FANCE: variants seen among roughly 807,000 people sequenced by gnomAD.
FANCE encodes Fanconi anemia group E protein.
FANCE carries 42 observed loss-of-function variants against 57.8 expected under a neutral mutation model. That is an observed-to-expected ratio of 0.73 (90% CI 0.57 to 0.94). The LOEUF (loss-of-function observed/expected upper bound fraction) is 0.94. FANCE is among the 40% of genes least tolerant of loss of function. The pLI, the probability that FANCE is intolerant of heterozygous loss-of-function variation, is 0.00. For missense variants in FANCE, 608 were observed against 661.8 expected (o/e 0.92, Z 0.89); for synonymous variants, 251 against 286.4 (o/e 0.88, Z 1.25).
At position 35,466,342 on chromosome 6, in the gene FANCE, C is replaced by T. The variant is rs370301848; in HGVS notation, c.1608C>T (p.Pro536=). 3 of 1,608,912 alleles carry T rather than the reference C, an allele frequency of 1.9e-6. No individual in the cohort carries two copies. The African/African-American group carries it at 4.0e-5, about 22-fold the overall frequency. ...SLKAALKHLG[P] is the part of the protein sequence containing the mutation. Reference sequence around the variant, plus strand: ...AGGCCGCCTTGAAACATTTGGGCCCCTGACCATCCACCAAGGGACCACCCT... The same window carrying T: ...AGGCCGCCTTGAAACATTTGGGCCCTTGACCATCCACCAAGGGACCACCCT... Residue 536 remains proline, a synonymous_variant, in exon 10 of 10, where the codon CCC becomes CCT. Coordinates refer to ENST00000229769, the MANE Select transcript of FANCE (RefSeq NM_021922.3).
At chr6:35,465,041 T>G (rs553903049) in intron 9 of FANCE, among the ~76,000 whole-genome samples, 98 of 151,796 alleles carry the variant, frequency 6.5e-4, no homozygotes, top group African/African-American at 2.3e-3. Context: ...GCCTGAGAGA[T>G]ATTCTTATTA....
chr6:35,465,237 G>A (rs45492197), intron 9 of FANCE, among the ~76,000 whole-genome samples: 1,684 of 151,668 alleles, frequency 0.011, 15 homozygotes, highest in Middle Eastern at 0.041. Context: ...GCAGTGGCGC[G>A]ATCTTGGCTC....
intron 1 of FANCE, 40 bp downstream of exon 1, chr6:35,452,833 C>T (rs1344912745): frequency 1.1e-5 from 14 of 1,286,586 alleles, no homozygotes; most frequent in East Asian, 3.1e-5. Context: ...GTATGGGAGG[C>T]GGGGGGCTGT....
At chr6:35,465,024 G>A (rs1235313983) in intron 9 of FANCE, among the ~76,000 whole-genome samples, 2 of 151,866 alleles carry the variant, frequency 1.3e-5, no homozygotes, top group Non-Finnish European at 2.9e-5. Flanking sequence ...GTGAGCCACC[G>A]CGCCTGGCCT....
intron 4 of FANCE, 98 bp from the exon 5 acceptor site, chr6:35,458,198 CT>C: frequency 6.5e-7 from 1 of 1,529,324 alleles, no homozygotes. Context: ...CCTGGAGTAT[CT>C]TTGCCCTGCT....
chr6:35,466,195 G>A (rs781376645), intron 9 of FANCE, 49 bp from the exon 10 acceptor site: 9 of 1,203,546 alleles, frequency 7.5e-6, no homozygotes, highest in Non-Finnish European at 1.1e-5. Context: ...GTCGGGAGAC[G>A]GGAGGGATCA....
chr6:35,457,747 A>C, intron 3 of FANCE, 147 bp downstream of exon 3: 1 of 1,116,172 alleles, frequency 9.0e-7, no homozygotes, highest in African/African-American at 1.5e-5. Flanking sequence ...TCTCTGAAGG[A>C]GCTTTTCTTG....
At position 35,458,429 on chromosome 6, in the gene FANCE, T is replaced by C; in HGVS notation, c.1102T>C (p.Phe368Leu). The C allele has an allele frequency of 6.2e-7, 1 of 1,614,144 alleles. No homozygotes were observed. Reference protein sequence around the residue: ...SNATVLTRSLFLGRILSLTSS... With the variant: ...SNATVLTRSLLLGRILSLTSS... ...TGCTACTGTGCTGACCAGAAGCCTCTTTCTTGGACGGGTAGGTGTATTGGG... is the reference window on the plus strand; with the variant it reads ...TGCTACTGTGCTGACCAGAAGCCTCCTTCTTGGACGGGTAGGTGTATTGGG... The change falls in exon 5 of 10, where the codon TTT becomes CTT. Residue 368 changes from phenylalanine to leucine, a missense_variant. Physicochemically the swap from Phe to Leu is conservative, Grantham distance 22. Transcript: ENST00000229769.
chr6:35,455,626 T>C, intron 1 of FANCE, 121 bp from the exon 2 acceptor site: 2 of 1,217,132 alleles, frequency 1.6e-6, no homozygotes, highest in Non-Finnish European at 1.2e-6. Flanking sequence ...CCACTGACTC[T>C]TGCAGATACT....
At position 35,455,871 on chromosome 6, in the gene FANCE, C is replaced by T; in HGVS notation, c.373C>T (p.Leu125=). 1 of 1,614,214 alleles carries T rather than the reference C, an allele frequency of 6.2e-7. No individual in the cohort carries two copies. The highest frequency in any genetic ancestry group is 8.5e-7 in the Non-Finnish European group (1 of 1,180,046). ...LSVLQIAQQD[L]APDPDAWLRA... is the part of the protein sequence containing the mutation. The stretch of plus-strand genomic sequence containing the variant: ...TGTGCTGCAGATTGCCCAGCAGGAC[C>T]TAGCCCCTGACCCAGATGCCTGGCT... The change falls in exon 2 of 10, where the codon CTA becomes TTA. Residue 125 remains leucine (L), a synonymous_variant. Coordinates refer to ENST00000229769, the MANE Select transcript of FANCE (RefSeq NM_021922.3).
In FANCE at chr6:35,466,230, T is replaced by C. The variant is rs1185738245; in HGVS notation, c.1510-14T>C. Reference sequence around the variant, plus strand: ...AGTTGCTGGAGTCCTGACATGATTTTTCCTTCTCCCCAGATCACTGAGACC... The same window carrying C: ...AGTTGCTGGAGTCCTGACATGATTTCTCCTTCTCCCCAGATCACTGAGACC... On this transcript the variant is annotated splice_polypyrimidine_tract_variant and intron_variant, in intron 9 of 9. Transcript: ENST00000229769. 7 of 1,566,568 alleles carry C rather than the reference T, an allele frequency of 4.5e-6. No individual in the cohort carries two copies. The highest frequency in any genetic ancestry group is 6.2e-6 in the Non-Finnish European group (7 of 1,136,540).
In FANCE at chr6:35,457,584, T is replaced by C; in HGVS notation, c.884T>C (p.Leu295Pro). Residue 295 changes from leucine (L) to proline (P), a missense_variant, in exon 3 of 10, where the codon CTG becomes CCG. Leu to Pro is a moderately conservative substitution (Grantham distance 98, BLOSUM62 -3). Transcript: ENST00000229769. ...QDQLPRLQQLLKTLEEGLEGL... is the reference protein window; with the variant it reads ...QDQLPRLQQLPKTLEEGLEGL... ...CAGCTTCCCAGGCTGCAGCAGCTGC[T>C]GAAGACCTTGGAGGAGGTGACTGGC... 6.2e-7 allele frequency: 1 copy of C among 1,613,968 alleles called. No individual in the cohort carries two copies. The highest frequency in any genetic ancestry group is 8.5e-7 in the Non-Finnish European group (1 of 1,180,024).
At chr6:35,464,395 G>A (rs1037504404) in intron 9 of FANCE, among the ~76,000 whole-genome samples, 4 of 151,594 alleles carry the variant, frequency 2.6e-5, no homozygotes, top group African/African-American at 7.3e-5. Context: ...GCGCCACCAT[G>A]CCCGGCTAAT....
intron 1 of FANCE, among the ~76,000 whole-genome samples, chr6:35,454,953 G>A (rs1290181546): frequency 6.6e-6 from 1 of 152,216 alleles, no homozygotes; most frequent in Admixed American, 6.5e-5. Flanking sequence ...CACAGAGGAA[G>A]GAAACACTAC....
intron 6 of FANCE, 105 bp from the exon 7 acceptor site, chr6:35,459,577 G>T: frequency 6.3e-7 from 1 of 1,575,504 alleles, no homozygotes. Context: ...CTGCTTCCCT[G>T]ACAATGCCCC....
Position 35,452,791 on chromosome 6 carries a change from G to A in FANCE, c.246G>A (p.Glu82=), listed in dbSNP as rs769779495. 66 of 1,315,220 alleles carry A rather than the reference G, an allele frequency of 5.0e-5. No individual in the cohort carries two copies. The African/African-American group carries it at 5.2e-4, about 10-fold the overall frequency. The allele number at this position is 1,315,220 out of a possible 1,614,324, so 81.5% of individuals were successfully genotyped here. A position where few individuals can be genotyped will look rare whatever the true frequency, so the allele number is the denominator to read the frequency against. The change falls in exon 1 of 10, where the codon GAG becomes GAA. Residue 82 remains glutamate, a splice_region_variant and synonymous_variant. Transcript: ENST00000229769. ...TGCAGGGGCCTGACGGCCGTCTGGA[G>A]CTGTAAGTCCTCGCCCGCGGCCCCT... is the stretch of plus-strand genomic sequence containing the variant. ...PVVQGPDGRL[E]LKPLLLRLPR... is the part of the protein sequence containing the mutation.
In FANCE at chr6:35,452,688, G is replaced by A; in HGVS notation, c.143G>A (p.Arg48Gln). 3 of 1,239,068 alleles carry A rather than the reference G, an allele frequency of 2.4e-6. No individual in the cohort carries two copies. Among genetic ancestry groups the A allele is most frequent in the Non-Finnish European group, 3.0e-6 (3 of 992,026 alleles). 76.8% of individuals were successfully genotyped at this position (1,239,068 alleles called of 1,614,324 possible). Residue 48 changes from arginine to glutamine, a missense_variant, in exon 1 of 10, where the codon CGG becomes CAG. Coordinates refer to ENST00000229769, the MANE Select transcript of FANCE (RefSeq NM_021922.3). ...GCGCGGCGCGGCCTGGGGGTGCTCC[G>A]GGCGCTGGGCAGCCGCGGCTGGGAG... ...EGARRGLGVL[R>Q]ALGSRGWEPF...
intron 1 of FANCE, among the ~76,000 whole-genome samples, chr6:35,453,146 C>T (rs10947548): frequency 0.71 from 108,108 of 152,130 alleles, 38,921 homozygotes; most frequent in African/African-American, 0.83. Flanking sequence ...AAAATAGATA[C>T]TTAAAACGTG....
At chr6:35,460,438 G>A (rs751166327) in intron 7 of FANCE, 114 bp from the exon 8 acceptor site, 6 of 1,030,258 alleles carry the variant, frequency 5.8e-6, no homozygotes, top group Non-Finnish European at 7.6e-6. Flanking sequence ...TTTGTTGGCT[G>A]GGGATCTTGG....
Sources: gnomAD v4.1 joint callset for allele counts (sites outside exome capture counted in the v4.1 genomes callset) on GRCh38, gnomAD v4.1.1 for gene constraint, MANE v1.5 for transcripts, NCBI Gene and HGNC (gene_info 2026-07-23, HGNC 2026-07-21) for gene names.